The following KCNN2 variants were observed in gnomAD, a reference collection of about 807,000 sequenced individuals.
KCNN2 encodes potassium calcium-activated channel subfamily N member 2.
KCNN2 carries 24 observed loss-of-function variants against 55.5 expected under a neutral mutation model. The observed-to-expected ratio is 0.43, with a 90% CI of 0.31 to 0.61. KCNN2 has a LOEUF of 0.61. Ranked by LOEUF, KCNN2 falls within the 20% of genes least tolerant of loss-of-function variation. The pLI is 0.08. For missense variants in KCNN2, 754 were observed against 853.6 expected (o/e 0.88, Z 1.45); for synonymous variants, 431 against 336.1 (o/e 1.28, Z -3.09).
intron 1 of KCNN2, among the ~76,000 whole-genome samples, chr5:114,192,188 A>G (rs1214186410): frequency 6.6e-6 from 1 of 152,158 alleles, no homozygotes; most frequent in Non-Finnish European, 1.5e-5. Context: ...TTATATTGAC[A>G]TTACTAAATG....
chr5:114,196,536 T>A (rs1383396836), intron 1 of KCNN2, among the ~76,000 whole-genome samples: 1 of 152,036 alleles, frequency 6.6e-6, no homozygotes, highest in Non-Finnish European at 1.5e-5. Flanking sequence ...TTTTATCCAT[T>A]TTTGGCTTGT....
chr5:114,471,895 G>A (rs1423274002), intron 4 of KCNN2, among the ~76,000 whole-genome samples: 1 of 152,154 alleles, frequency 6.6e-6, no homozygotes, highest in African/African-American at 2.4e-5. Context: ...ATTTGTTGCA[G>A]CAACTCATTG....
chr5:114,403,968 C>G (rs1033371103), intron 2 of KCNN2, among the ~76,000 whole-genome samples: 4 of 152,190 alleles, frequency 2.6e-5, no homozygotes, highest in Non-Finnish European at 4.4e-5. Context: ...ATAAGATTTC[C>G]TGTAAGAACG....
intron 1 of KCNN2, chr5:114,057,099 G>C (rs1040638685): frequency 2.6e-5 from 4 of 152,120 alleles, no homozygotes; most frequent in African/African-American, 9.7e-5. Context: ...TCTTTCTCTA[G>C]GGTGTGGGAA....
intron 1 of KCNN2, among the ~76,000 whole-genome samples, chr5:114,079,453 G>A (rs1750754186): frequency 6.6e-6 from 1 of 152,128 alleles, no homozygotes; most frequent in African/African-American, 2.4e-5. Context: ...GAAATAGCAT[G>A]AGCTTAAGGG....
Position 114,141,832 on chromosome 5 carries a change from G to A in KCNN2, c.-270-79648G>A, listed in dbSNP as rs545458245. Among the ~76,000 whole-genome samples the A allele has an allele frequency of 1.4e-4, 22 of 152,314 alleles. No homozygotes were observed. The South Asian group carries it at 3.3e-3, about 23-fold the overall frequency. On this transcript the variant is annotated intron_variant, in intron 1 of 10. Transcript: ENST00000512097. ...TTTAATGATCGCCATTCTAACTGGT[G>A]TGAGATGGTATCTCATTGTGATTTT... is the stretch of plus-strand genomic sequence containing the variant.
intron 2 of KCNN2, among the ~76,000 whole-genome samples, chr5:114,299,274 C>T (rs1756101845): frequency 6.6e-6 from 1 of 152,074 alleles, no homozygotes. Flanking sequence ...CTGTTGGGAG[C>T]AACTTAGGTC....
Position 114,272,386 on chromosome 5 carries a change from T to TC in KCNN2, c.-185+50821_-185+50822insC, listed in dbSNP as rs58719545. Among the ~76,000 whole-genome samples the TC allele has an allele frequency of 1.2e-4, 14 of 118,372 alleles. 2 individuals are homozygous for TC. Among genetic ancestry groups the TC allele is most frequent in the African/African-American group, 4.7e-4 (14 of 29,956 alleles). The allele number at this position is 118,372 out of a possible 152,430, so 77.7% of individuals were successfully genotyped here. On this transcript the variant is annotated intron_variant, in intron 2 of 10. Coordinates refer to the KCNN2 transcript ENST00000512097. ...ATACACACACATATGTATGTACATA[T>TC]ATACACACATATATGTATGTACATA...
intron 5 of KCNN2, among the ~76,000 whole-genome samples, chr5:114,484,485 G>A (rs1762365537): frequency 6.6e-6 from 1 of 152,100 alleles, no homozygotes; most frequent in African/African-American, 2.4e-5. Context: ...AAAAATGAAT[G>A]CATAGACCTA....
At chr5:114,095,976 C>G (rs1010656459) in intron 1 of KCNN2, among the ~76,000 whole-genome samples, 20 of 152,012 alleles carry the variant, frequency 1.3e-4, no homozygotes, top group African/African-American at 4.6e-4. Context: ...CAGGCTATGT[C>G]ATCTATCTGG....
At chr5:114,324,802 G>A (rs551470396) in intron 2 of KCNN2, among the ~76,000 whole-genome samples, 1 of 152,174 alleles carries the variant, frequency 6.6e-6, no homozygotes. Context: ...ATTTTCATGA[G>A]TGTTACAGAA....
At chr5:114,452,187 A>C (rs551118720) in intron 3 of KCNN2, among the ~76,000 whole-genome samples, 4 of 152,176 alleles carry the variant, frequency 2.6e-5, no homozygotes, top group Non-Finnish European at 4.4e-5. Flanking sequence ...GAGTAGTTTC[A>C]TACATAAAAC....
intron 1 of KCNN2, among the ~76,000 whole-genome samples, chr5:114,100,160 G>A (rs1277764648): frequency 6.6e-6 from 1 of 151,950 alleles, no homozygotes; most frequent in Non-Finnish European, 1.5e-5. Context: ...CCATATTAAT[G>A]TTTTACGTAT....
intron 5 of KCNN2, among the ~76,000 whole-genome samples, chr5:114,484,833 A>C (rs954621937): frequency 6.6e-6 from 1 of 152,162 alleles, no homozygotes; most frequent in Non-Finnish European, 1.5e-5. Context: ...TGTATTTAGA[A>C]GTTTTTAAAA....
At chr5:114,218,265 C>A (rs985556203) in intron 1 of KCNN2, among the ~76,000 whole-genome samples, 1 of 152,156 alleles carries the variant, frequency 6.6e-6, no homozygotes, top group African/African-American at 2.4e-5. Context: ...AAGTTCTGTT[C>A]ACACAAAAAC....
chr5:114,484,490 G>C (rs1033407781), intron 5 of KCNN2, among the ~76,000 whole-genome samples: 1 of 152,084 alleles, frequency 6.6e-6, no homozygotes, highest in Non-Finnish European at 1.5e-5. Flanking sequence ...TGAATGCATA[G>C]ACCTATTTCT....
intron 1 of KCNN2, among the ~76,000 whole-genome samples, chr5:114,139,467 C>CG (rs1561491424): frequency 4.8e-5 from 7 of 146,270 alleles, no homozygotes; most frequent in East Asian, 2.0e-4. Context: ...CCACCCCCCC[C>CG]ACACACACAC....
chr5:114,490,894 G>A (rs1371365125), intron 6 of KCNN2, among the ~76,000 whole-genome samples: 1 of 152,038 alleles, frequency 6.6e-6, no homozygotes, highest in African/African-American at 2.4e-5. Context: ...TCTTTTTTGG[G>A]GGGAAAAGTG....
At chr5:114,173,960 T>C (rs934602420) in intron 1 of KCNN2, among the ~76,000 whole-genome samples, 1 of 152,066 alleles carries the variant, frequency 6.6e-6, no homozygotes, top group African/African-American at 2.4e-5. Context: ...AGCATGCTTT[T>C]TATTTTAACT....
Sources: allele counts gnomAD v4.1 joint callset (sites outside exome capture counted in the v4.1 genomes callset), GRCh38; gene constraint gnomAD v4.1.1; transcripts MANE v1.5; gene names NCBI Gene and HGNC (gene_info 2026-07-23, HGNC 2026-07-21).